The following ARID1B variants were observed in gnomAD, a reference collection of about 807,000 sequenced individuals.
The protein encoded by ARID1B is AT-rich interactive domain-containing protein 1B.
In ARID1B, 30 loss-of-function variants were observed where a neutral mutation model predicts 212.3. That is an observed-to-expected ratio of 0.14 (90% CI 0.11 to 0.19). The LOEUF (loss-of-function observed/expected upper bound fraction) is 0.19, where lower values mean the gene tolerates loss of function less well. ARID1B is among the 10% of genes least tolerant of loss of function. The pLI is 1.00. For synonymous variants in ARID1B, 1,402 were observed against 1,301.7 expected, an observed-to-expected ratio of 1.08 and a Z score of -1.66; for missense variants, 2,891 against 3,204.0, an observed-to-expected ratio of 0.90 and a Z score of 2.36.
chr6:156,926,261 A>G (rs1417925116), intron 3 of ARID1B, among the ~76,000 whole-genome samples: 1 of 152,210 alleles, frequency 6.6e-6, no homozygotes, highest in African/African-American at 2.4e-5. Context: ...GAAAAATGAA[A>G]TTGTTAAGGT....
rs1583103357 is a variant in ARID1B, at chr6:156,995,162, C to T, written c.2247+59586C>T. On this transcript the variant is annotated intron_variant, in intron 4 of 19. Transcript: ENST00000636930. Reference sequence around the variant, plus strand: ...GCCCTCTTCTCCCGGGCTTAGGACTCCAGGTGTACCTGAAGACAGACGGTA... The same window carrying T: ...GCCCTCTTCTCCCGGGCTTAGGACTTCAGGTGTACCTGAAGACAGACGGTA... Among the ~76,000 whole-genome samples the T allele has an allele frequency of 3.9e-5, 6 of 152,324 alleles. No homozygotes were observed. The South Asian group carries it at 1.2e-3, about 32-fold the overall frequency.
intron 4 of ARID1B, among the ~76,000 whole-genome samples, chr6:156,944,371 A>T (rs1792901965): frequency 6.6e-6 from 1 of 152,162 alleles, no homozygotes; most frequent in Non-Finnish European, 1.5e-5. Flanking sequence ...AGGCCATTGG[A>T]GAGCCGCAGA....
At chr6:156,994,079 A>T (rs73790993) in intron 4 of ARID1B, among the ~76,000 whole-genome samples, 5,029 of 152,076 alleles carry the variant, frequency 0.033, 272 homozygotes, top group African/African-American at 0.11. Context: ...ACTTTTGGTC[A>T]TTTTTTTTGT....
At chr6:156,910,560 T>A (rs1223630786) in intron 3 of ARID1B, among the ~76,000 whole-genome samples, 1 of 152,218 alleles carries the variant, frequency 6.6e-6, no homozygotes, top group Non-Finnish European at 1.5e-5. Flanking sequence ...TCTTGGTTTC[T>A]CTGTTCTCGG....
At chr6:156,867,972 G>C (rs1240740886) in intron 2 of ARID1B, among the ~76,000 whole-genome samples, 1 of 152,150 alleles carries the variant, frequency 6.6e-6, no homozygotes, top group Non-Finnish European at 1.5e-5. Flanking sequence ...GGCTGCTGCA[G>C]TTCCAAACTG....
chr6:156,935,441 G>A, intron 3 of ARID1B, 25 bp from the exon 4 acceptor site: 1 of 1,552,142 alleles, frequency 6.4e-7, no homozygotes. Context: ...TTTATGAAGT[G>A]CTTTGTGTTT....
At chr6:157,189,329 A>G (rs544125057) in intron 13 of ARID1B, among the ~76,000 whole-genome samples, 1 of 152,346 alleles carries the variant, frequency 6.6e-6, no homozygotes, top group African/African-American at 2.4e-5. Flanking sequence ...CCTTTTTATT[A>G]GATTATTTTC....
Position 156,954,428 on chromosome 6 carries a change from C to A in ARID1B, c.2247+18852C>A, listed in dbSNP as rs1347958128. On this transcript the variant is annotated intron_variant, in intron 4 of 19. Transcript: ENST00000636930. The stretch of plus-strand genomic sequence containing the variant: ...AGCCTGTGTGGAATGAGGCCGTTTG[C>A]ACACACATACATATGATTTTTTTTT... Among the ~76,000 whole-genome samples, 24 of 151,800 alleles carry A rather than the reference C, an allele frequency of 1.6e-4. 1 individual carries two copies. The highest frequency in any genetic ancestry group is 1.6e-3 in the Admixed American group (24 of 15,254).
At chr6:156,987,819 G>T (rs1014420790) in intron 4 of ARID1B, among the ~76,000 whole-genome samples, 3 of 152,210 alleles carry the variant, frequency 2.0e-5, no homozygotes, top group Non-Finnish European at 4.4e-5. Flanking sequence ...ACCCTTCAGA[G>T]TATCTTGCTC....
intron 4 of ARID1B, among the ~76,000 whole-genome samples, chr6:157,053,174 C>T (rs965487920): frequency 1.3e-5 from 2 of 152,076 alleles, no homozygotes; most frequent in Non-Finnish European, 2.9e-5. Flanking sequence ...CAACCTCTGC[C>T]TCCAGGGCTC....
chr6:157,035,188 AAT>A (rs1056356761), intron 4 of ARID1B, among the ~76,000 whole-genome samples: 1 of 152,218 alleles, frequency 6.6e-6, no homozygotes, highest in African/African-American at 2.4e-5. Context: ...GACTTTTTAT[AAT>A]ATGATAAAAT....
At chr6:157,150,433 T>C (rs993164823) in intron 8 of ARID1B, 7 of 152,466 alleles carry the variant, frequency 4.6e-5, no homozygotes, top group African/African-American at 1.7e-4. Context: ...ACCAGGAGTT[T>C]AAATGGGGGC....
intron 4 of ARID1B, among the ~76,000 whole-genome samples, chr6:157,021,549 C>T (rs989568414): frequency 1.6e-4 from 25 of 152,282 alleles, no homozygotes; most frequent in Admixed American, 1.2e-3. Flanking sequence ...CTCGTGGGGG[C>T]GGGGACAGGG....
At chr6:157,100,556 C>T (rs1412773579) in intron 5 of ARID1B, among the ~76,000 whole-genome samples, 1 of 152,130 alleles carries the variant, frequency 6.6e-6, no homozygotes, top group Non-Finnish European at 1.5e-5. Context: ...GTCTAAATAA[C>T]TTGTGGGTTT....
At chr6:157,096,521 C>G (rs956990069) in intron 5 of ARID1B, among the ~76,000 whole-genome samples, 1 of 152,258 alleles carries the variant, frequency 6.6e-6, no homozygotes, top group Non-Finnish European at 1.5e-5. Flanking sequence ...TTAGTCCAAT[C>G]TGAAAGAAGT....
chr6:157,002,735 T>C (rs898032179), intron 4 of ARID1B, among the ~76,000 whole-genome samples: 2 of 152,270 alleles, frequency 1.3e-5, no homozygotes, highest in Admixed American at 1.3e-4. Flanking sequence ...TGCTGTGTTA[T>C]AAGTGAAGCT....
In ARID1B at chr6:157,184,325, A is replaced by G. The variant is rs2128325301; in HGVS notation, c.3809A>G (p.Gln1270Arg). 6.2e-7 allele frequency: 1 copy of G among 1,614,210 alleles called. No homozygotes were observed. Among genetic ancestry groups the G allele is most frequent in the Non-Finnish European group, 8.5e-7 (1 of 1,180,032 alleles). ...AASSLKKQYIQYLFAFECKIE... is the reference protein window; with the variant it reads ...AASSLKKQYIRYLFAFECKIE... ...AGCTCCCTGAAAAAGCAGTATATTCAGTACCTGTTTGCCTTTGAGTGCAAG... is the reference window on the plus strand; with the variant it reads ...AGCTCCCTGAAAAAGCAGTATATTCGGTACCTGTTTGCCTTTGAGTGCAAG... Residue 1270 changes from glutamine (Q) to arginine (R), a missense_variant, in exon 13 of 20, where the codon CAG (glutamine) becomes CGG (arginine). Transcript: ENST00000636930.
Position 156,778,919 on chromosome 6 carries a change from A to G in ARID1B, c.1239A>G (p.Gly413=). The part of the protein sequence containing the change: ...SGGGGGGGGA[G]AGGAGAGAVA... ...GAGGAGGAGGAGGAGGAGGAGCAGG[A>G]GCAGGAGGAGCAGGAGCGGGAGCTG... Residue 413 remains glycine, a synonymous_variant, in exon 1 of 20, where the codon GGA becomes GGG. Coordinates refer to ENST00000636930, the MANE Select transcript of ARID1B (RefSeq NM_001374828.1). 2.1e-5 allele frequency: 28 copies of G among 1,313,762 alleles called. No individual in the cohort carries two copies. The highest frequency in any genetic ancestry group is 2.7e-5 in the Non-Finnish European group (28 of 1,039,606). 81.4% of individuals were successfully genotyped at this position (1,313,762 alleles called of 1,614,324 possible). A position where few individuals can be genotyped will look rare whatever the true frequency, so the allele number is the denominator to read the frequency against.
At chr6:157,064,911 C>T (rs901718362) in intron 4 of ARID1B, among the ~76,000 whole-genome samples, 55 of 152,226 alleles carry the variant, frequency 3.6e-4, no homozygotes, top group African/African-American at 1.2e-3. Context: ...GAGGAAGTTA[C>T]TGTCTTTTGT....
Sources: gnomAD v4.1 joint callset for allele counts (sites outside exome capture counted in the v4.1 genomes callset) on GRCh38, gnomAD v4.1.1 for gene constraint, MANE v1.5 for transcripts, NCBI Gene and HGNC (gene_info 2026-07-23, HGNC 2026-07-21) for gene names.